BRSK2: variants seen among roughly 807,000 people sequenced by gnomAD.
BRSK2 encodes the protein BR serine/threonine kinase 2.
A neutral mutation model predicts 83.3 loss-of-function variants in BRSK2; 19 were observed. That is an observed-to-expected ratio of 0.23 (90% CI 0.16 to 0.33). The LOEUF (loss-of-function observed/expected upper bound fraction) is 0.33. BRSK2 is among the 10% of genes least tolerant of loss of function. The pLI, the probability that BRSK2 is intolerant of heterozygous loss-of-function variation, is 1.00. For synonymous variants in BRSK2, 519 were observed against 435.4 expected (o/e 1.19, Z -2.39); for missense variants, 798 against 1,042.3 (o/e 0.77, Z 3.23).
chr11:1,396,057 C>T (rs2134020763), intron 1 of BRSK2, among the ~76,000 whole-genome samples: 1 of 152,330 alleles, frequency 6.6e-6, no homozygotes, highest in African/African-American at 2.4e-5. Flanking sequence ...TCCAGGGCCT[C>T]TGGGTCCCCA....
At chr11:1,406,683 C>T (rs1239103943) in intron 1 of BRSK2, among the ~76,000 whole-genome samples, 2 of 152,200 alleles carry the variant, frequency 1.3e-5, no homozygotes, top group African/African-American at 4.8e-5. Flanking sequence ...GCCAGGACAG[C>T]TGTGTGTCCA....
chr11:1,443,266 G>A, intron 6 of BRSK2, 69 bp from the exon 7 acceptor site: 1 of 1,536,908 alleles, frequency 6.5e-7, no homozygotes, highest in Non-Finnish European at 8.8e-7. Context: ...GACTCCCTCT[G>A]AGCCCAGGCC....
At chr11:1,404,007 C>T (rs7926304) in intron 1 of BRSK2, among the ~76,000 whole-genome samples, 37,329 of 152,096 alleles carry the variant, frequency 0.25, 4,910 homozygotes, top group African/African-American at 0.31. Flanking sequence ...TGGAGTTGTA[C>T]CCAAGCCCCT....
At chr11:1,456,267 G>C (rs1590697910) in intron 16 of BRSK2, 81 bp from the exon 17 acceptor site, 2 of 1,388,140 alleles carry the variant, frequency 1.4e-6, no homozygotes, top group Non-Finnish European at 1.9e-6. Context: ...GGTGGGGCTG[G>C]CTCGCCCCAG....
intron 1 of BRSK2, among the ~76,000 whole-genome samples, chr11:1,422,499 G>T (rs1225907392): frequency 1.3e-5 from 2 of 152,148 alleles, no homozygotes; most frequent in Middle Eastern, 3.2e-3. Flanking sequence ...CTGTGGGGAC[G>T]GTGCAGAGGG....
chr11:1,398,548 G>T (rs1230379693), intron 1 of BRSK2, among the ~76,000 whole-genome samples: 1 of 152,168 alleles, frequency 6.6e-6, no homozygotes, highest in Non-Finnish European at 1.5e-5. Flanking sequence ...GCCAGATGGG[G>T]GCTCATTCAG....
Position 1,461,958 on chromosome 11 carries a change from G to GCAGCGC in BRSK2, c.*1243_*1248dup, listed in dbSNP as rs1847552934. On this transcript the variant is annotated 3_prime_UTR_variant, in exon 20 of 20. Coordinates refer to ENST00000528841, the MANE Select transcript of BRSK2 (RefSeq NM_001256627.2). The stretch of plus-strand genomic sequence containing the variant: ...GAGGGGCGGTGTCTTGTAGCGGGCG[G>GCAGCGC]CAGCGCCAGCGCCCCTCTGTCAGGC... 1 of 152,106 alleles carries GCAGCGC rather than the reference G, an allele frequency of 6.6e-6. No homozygotes were observed. The highest frequency in any genetic ancestry group is 6.5e-5 in the Admixed American group (1 of 15,284). The allele number at this position is 152,106 out of a possible 1,614,324, so 9.4% of individuals were successfully genotyped here.
rs199701245 is a variant in BRSK2 at position 1,445,863 on chromosome 11, G to A, written c.1182G>A (p.Pro394=). 1.3e-4 allele frequency: 203 copies of A among 1,611,994 alleles called. No individual in the cohort carries two copies. The highest frequency in any genetic ancestry group is 4.0e-4 in the South Asian group (36 of 91,038). The change falls in exon 12 of 20, where the codon CCG becomes CCA. Residue 394 remains proline (P), a synonymous_variant. Transcript: ENST00000528841. ...EVLSVTDGGS[P]VPARRAIEMA... The stretch of plus-strand genomic sequence containing the variant: ...TCAGCGTGACGGACGGCGGCTCCCC[G>A]GTGCCTGCGCGGCGGGCCATTGAGA...
chr11:1,423,708 C>A lies in BRSK2; in HGVS notation c.92-12332C>A, dbSNP rs958409067. Among the ~76,000 whole-genome samples the A allele has an allele frequency of 6.6e-6, 1 of 150,716 alleles. No individual in the cohort carries two copies. The highest frequency in any genetic ancestry group is 1.5e-5 in the Non-Finnish European group (1 of 67,524). ...CGTTCCGGGTGCCCCAGGCCTCCCC[C>A]GCTGGGCGTTCCGGGTGCCCCAGGC... On this transcript the variant is annotated intron_variant, in intron 1 of 19. Transcript: ENST00000528841. This position sits in a 1 kb window ranked among gnomAD's most constrained non-coding sequence, Gnocchi z 6.5.
rs1232668417 is a variant in BRSK2, at chr11:1,398,333, CCT to C, written c.91+7959_91+7960del. 1.1e-4 allele frequency among the ~76,000 whole-genome samples: 17 copies of C among 152,262 alleles called. No individual in the cohort carries two copies. The East Asian group carries it at 2.9e-3, about 26-fold the overall frequency. On this transcript the variant is annotated intron_variant, in intron 1 of 19. Transcript: ENST00000528841. The stretch of plus-strand genomic sequence containing the variant: ...TGCCTGGTTGGGGCTGGCCTGGGCC[CCT>C]GATTGGCTGCTTCCCTGGGCGGGGG...
Position 1,423,658 on chromosome 11 carries a change from C to A in BRSK2, c.92-12382C>A, listed in dbSNP as rs1330158041. 6.6e-6 allele frequency among the ~76,000 whole-genome samples: 1 copy of A among 151,610 alleles called. No homozygotes were observed. Among genetic ancestry groups the A allele is most frequent in the East Asian group, 1.9e-4 (1 of 5,162 alleles). ...GGCTCTTCCAAGGCCTCAAGGAAGC[C>A]CTGCCCCAAGCCTCCCCCGCTGGGC... On this transcript the variant is annotated intron_variant, in intron 1 of 19. Coordinates refer to ENST00000528841, the MANE Select transcript of BRSK2 (RefSeq NM_001256627.2). The surrounding 1 kb of genome is among the most constrained non-coding windows in gnomAD (Gnocchi z 6.5).
chr11:1,395,211 C>G (rs1845995202), intron 1 of BRSK2, among the ~76,000 whole-genome samples: 1 of 152,170 alleles, frequency 6.6e-6, no homozygotes, highest in African/African-American at 2.4e-5. Flanking sequence ...GGACTGAACC[C>G]CTCATCTGCC....
intron 13 of BRSK2, among the ~76,000 whole-genome samples, chr11:1,450,106 C>G (rs556249830): frequency 1.6e-4 from 25 of 152,218 alleles, no homozygotes; most frequent in African/African-American, 5.3e-4. Flanking sequence ...CCTCCCCACC[C>G]TCCCGCTCCC....
chr11:1,458,989 A>C (rs1378343031), intron 18 of BRSK2, among the ~76,000 whole-genome samples: 1 of 151,064 alleles, frequency 6.6e-6, no homozygotes, highest in Non-Finnish European at 1.5e-5. Context: ...GCCCCGCCTC[A>C]CTCCAGGCCC....
chr11:1,438,572 T>C lies in BRSK2; in HGVS notation c.272+181T>C, dbSNP rs1850659915. 1.3e-5 allele frequency among the ~76,000 whole-genome samples: 2 copies of C among 152,104 alleles called. No individual in the cohort carries two copies. Among genetic ancestry groups the C allele is most frequent in the African/African-American group, 2.4e-5 (1 of 41,426 alleles). On this transcript the variant is annotated intron_variant, in intron 3 of 19. Transcript: ENST00000528841. The surrounding 1 kb of genome is among the most constrained non-coding windows in gnomAD (Gnocchi z 6.4). Reference sequence around the variant, plus strand: ...GGTAGGGTCTCAGCCCAGGCTGCTGTGGTCTCTGCTTCTGGACCAAACCGG... The same window carrying C: ...GGTAGGGTCTCAGCCCAGGCTGCTGCGGTCTCTGCTTCTGGACCAAACCGG...
At position 1,454,874 on chromosome 11, in the gene BRSK2, G is replaced by A. The variant is rs1307264758; in HGVS notation, c.1668+266G>A. 6.6e-6 allele frequency among the ~76,000 whole-genome samples: 1 copy of A among 152,328 alleles called. No individual in the cohort carries two copies. The highest frequency in any genetic ancestry group is 1.9e-4 in the East Asian group (1 of 5,174). On this transcript the variant is annotated intron_variant, in intron 16 of 19. Coordinates refer to ENST00000528841, the MANE Select transcript of BRSK2 (RefSeq NM_001256627.2). The surrounding 1 kb of genome is among the most constrained non-coding windows in gnomAD (Gnocchi z 5.2). The stretch of plus-strand genomic sequence containing the variant: ...TCACTGGTCCCCAGCAGCCCTAGGT[G>A]TGTGCCGGACAGGCCTGGGCAGCTG...
chr11:1,428,489 T>C (rs914341196), intron 1 of BRSK2, among the ~76,000 whole-genome samples: 6 of 152,128 alleles, frequency 3.9e-5, no homozygotes, highest in Non-Finnish European at 4.4e-5. Context: ...ATCTGTGAAA[T>C]AGGGGTGAAG....
intron 1 of BRSK2, among the ~76,000 whole-genome samples, chr11:1,416,255 G>T (rs1472523417): frequency 1.3e-5 from 2 of 152,240 alleles, no homozygotes; most frequent in African/African-American, 2.4e-5. Context: ...AGGCTGGGGG[G>T]TCTCGTGGGC....
At position 1,461,916 on chromosome 11, in the gene BRSK2, T is replaced by G. The variant is rs1012745099; in HGVS notation, c.*1193T>G. The G allele has an allele frequency of 1.4e-4, 21 of 151,724 alleles. No individual in the cohort carries two copies. Among genetic ancestry groups the G allele is most frequent in the African/African-American group, 3.4e-4 (14 of 41,340 alleles). 9.4% of individuals were successfully genotyped at this position (151,724 alleles called of 1,614,324 possible). On this transcript the variant is annotated 3_prime_UTR_variant, in exon 20 of 20. Coordinates refer to ENST00000528841, the MANE Select transcript of BRSK2 (RefSeq NM_001256627.2). The stretch of plus-strand genomic sequence containing the variant: ...CTCTGTGGAGAAGCAGCTCCACCTC[T>G]GGGGGGGCTCGGGGCAGAGGGGCGG...
Sources: allele counts gnomAD v4.1 joint callset (sites outside exome capture counted in the v4.1 genomes callset), GRCh38; gene constraint gnomAD v4.1.1; non-coding constraint Gnocchi (gnomAD v3.1); transcripts MANE v1.5; gene names NCBI Gene and HGNC (gene_info 2026-07-23, HGNC 2026-07-21).